Variants in ZDHHC19 observed in about 807,000 individuals in gnomAD.
ZDHHC19 encodes palmitoyltransferase ZDHHC19.
ZDHHC19 carries 30 observed loss-of-function variants against 33.9 expected under a neutral mutation model. The observed-to-expected ratio is 0.88, with a 90% CI of 0.66 to 1.20. The LOEUF is 1.20. ZDHHC19 is among the 50% of genes most tolerant of loss of function. The pLI is 0.00. For synonymous variants in ZDHHC19, 178 were observed against 167.6 expected (o/e 1.06, Z -0.48); for missense variants, 364 against 401.1 (o/e 0.91, Z 0.79).
intron 3 of ZDHHC19, chr3:196,209,154 C>T (rs560736349): frequency 4.9e-6 from 3 of 606,958 alleles, no homozygotes; most frequent in Non-Finnish European, 8.4e-6. Context: ...ATGCGGATGC[C>T]CTGTGCATGT....
intron 2 of ZDHHC19, among the ~76,000 whole-genome samples, chr3:196,209,782 T>C (rs1389147773): frequency 6.6e-6 from 1 of 152,192 alleles, no homozygotes; most frequent in Non-Finnish European, 1.5e-5. Context: ...AGGGAGGAAG[T>C]GCATACAGTG....
chr3:196,198,498 C>G, intron 6 of ZDHHC19, 47 bp from the exon 7 acceptor site: 1 of 1,596,562 alleles, frequency 6.3e-7, no homozygotes, highest in Non-Finnish European at 8.5e-7. Context: ...CTCCCTGGTC[C>G]GGCTCCCCTG....
chr3:196,200,359 AT>A (rs527886339), intron 5 of ZDHHC19, among the ~76,000 whole-genome samples: 27 of 123,994 alleles, frequency 2.2e-4, no homozygotes, highest in South Asian at 2.0e-3. Flanking sequence ...TATATATATA[AT>A]TTTTTTTTTT....
chr3:196,209,465 C>T lies in ZDHHC19; in HGVS notation c.319G>A (p.Gly107Arg), dbSNP rs199982640. 8.1e-6 allele frequency: 13 copies of T among 1,612,278 alleles called. No individual in the cohort carries two copies. The highest frequency in any genetic ancestry group is 1.1e-5 in the South Asian group (1 of 90,672). The stretch of plus-strand genomic sequence containing the variant: ...GGACACCATTGCAGGCGGAAGGCCC[C>T]GTGGTTCACCCACACCACGTGCACC... Reference protein sequence around the residue: ...LTVHVVWVNHGAFRLQWCPKC... With the variant: ...LTVHVVWVNHRAFRLQWCPKC... The change falls in exon 3 of 8, where the codon GGG (glycine) becomes AGG (arginine). Residue 107 changes from glycine (G) to arginine (R), a missense_variant. Coordinates refer to ENST00000296326, the MANE Select transcript of ZDHHC19 (RefSeq NM_001039617.2).
rs960470481 is a variant in ZDHHC19, at chr3:196,210,480, C to T, written c.268+136G>A. 4.1e-6 allele frequency: 4 copies of T among 976,594 alleles called. No individual in the cohort carries two copies. In the Admixed American group the frequency reaches 7.8e-5, roughly 19 times the overall value. 60.5% of individuals were successfully genotyped at this position (976,594 alleles called of 1,614,324 possible). A position where few individuals can be genotyped will look rare whatever the true frequency, so the allele number is the denominator to read the frequency against. ...GAAGAGAAGAAAGAGTGAGCGAGGG[C>T]CAGAGCAATGAAGACGTGGGGTGAA... On this transcript the variant is annotated intron_variant, in intron 2 of 7. Coordinates refer to ENST00000296326, the MANE Select transcript of ZDHHC19 (RefSeq NM_001039617.2).
At chr3:196,208,675 C>T in intron 3 of ZDHHC19, 115 bp from the exon 4 acceptor site, 1 of 1,184,030 alleles carries the variant, frequency 8.4e-7, no homozygotes, top group Non-Finnish European at 1.2e-6. Flanking sequence ...TTGGCCCATG[C>T]ACTGGCTTCC....
At chr3:196,204,624 A>C (rs1308163545) in intron 5 of ZDHHC19, among the ~76,000 whole-genome samples, 1 of 152,236 alleles carries the variant, frequency 6.6e-6, no homozygotes, top group African/African-American at 2.4e-5. Context: ...ACCATTAGTC[A>C]TTAGGAAAAT....
chr3:196,198,210 C>T (rs1721946659), intron 7 of ZDHHC19, 66 bp downstream of exon 7: 3 of 1,376,310 alleles, frequency 2.2e-6, no homozygotes, highest in East Asian at 2.7e-5. Flanking sequence ...CCCCCCACAC[C>T]CTCACAACCT....
At chr3:196,206,121 G>A (rs922653779) in intron 5 of ZDHHC19, among the ~76,000 whole-genome samples, 11 of 150,918 alleles carry the variant, frequency 7.3e-5, no homozygotes, top group South Asian at 2.1e-4. Flanking sequence ...ACACAATCTC[G>A]GCTCACTGCA....
intron 5 of ZDHHC19, among the ~76,000 whole-genome samples, chr3:196,200,611 C>T (rs1577315789): frequency 6.7e-6 from 1 of 150,134 alleles, no homozygotes; most frequent in East Asian, 2.0e-4. Flanking sequence ...ACCTTGGCCT[C>T]CCAAAGTGCT....
At chr3:196,200,577 A>T (rs972274431) in intron 5 of ZDHHC19, among the ~76,000 whole-genome samples, 3 of 149,290 alleles carry the variant, frequency 2.0e-5, no homozygotes, top group Non-Finnish European at 3.0e-5. Context: ...GATGGTCTCG[A>T]TCTCCTGACC....
At chr3:196,200,342 ATGT>A (rs781622576) in intron 5 of ZDHHC19, among the ~76,000 whole-genome samples, 29,821 of 133,916 alleles carry the variant, frequency 0.22, 3,491 homozygotes, top group Middle Eastern at 0.29. Flanking sequence ...ATATATATAT[ATGT>A]ATATATATAT....
intron 5 of ZDHHC19, among the ~76,000 whole-genome samples, chr3:196,204,003 G>A (rs756799428): frequency 3.3e-5 from 5 of 152,132 alleles, no homozygotes; most frequent in Admixed American, 6.6e-5. Context: ...CTCATGGCGC[G>A]GATGTCCACC....
intron 5 of ZDHHC19, among the ~76,000 whole-genome samples, chr3:196,205,164 C>T (rs1722639094): frequency 6.6e-6 from 1 of 152,108 alleles, no homozygotes; most frequent in Non-Finnish European, 1.5e-5. Context: ...GTATTTACCC[C>T]AAAGAAATGA....
At chr3:196,198,133 T>A in intron 7 of ZDHHC19, 143 bp downstream of exon 7, 1 of 782,738 alleles carries the variant, frequency 1.3e-6, no homozygotes, top group Non-Finnish European at 1.8e-6. Context: ...GCCCCTCCAG[T>A]GTAGAACCCT....
rs1722538928 is a variant in ZDHHC19, at chr3:196,203,813, G to A, written c.687+3585C>T. 6.6e-6 allele frequency among the ~76,000 whole-genome samples: 1 copy of A among 152,208 alleles called. No individual in the cohort carries two copies. The highest frequency in any genetic ancestry group is 6.5e-5 in the Admixed American group (1 of 15,280). ...GGCTGATGAGGAAGGGCGGAGCTGG[G>A]GAGTCACAGGTGGGGGAGCCAAATA... On this transcript the variant is annotated intron_variant, in intron 5 of 7. Coordinates refer to ENST00000296326, the MANE Select transcript of ZDHHC19 (RefSeq NM_001039617.2). This position sits in a 1 kb window ranked among gnomAD's most constrained non-coding sequence, Gnocchi z 4.3.
chr3:196,207,597 G>A, intron 4 of ZDHHC19, 94 bp from the exon 5 acceptor site: 1 of 393,638 alleles, frequency 2.5e-6, no homozygotes, highest in Non-Finnish European at 3.6e-6. Flanking sequence ...GCCCCCGGAC[G>A]CCCGCCCCTC....
At chr3:196,209,967 T>G (rs1054958494) in intron 2 of ZDHHC19, among the ~76,000 whole-genome samples, 5 of 152,104 alleles carry the variant, frequency 3.3e-5, no homozygotes, top group Non-Finnish European at 5.9e-5. Flanking sequence ...CGAGGTGGGC[T>G]GATCATGAGG....
At position 196,198,368 on chromosome 3, in the gene ZDHHC19, G is replaced by A; in HGVS notation, c.857C>T (p.Pro286Leu). Residue 286 changes from proline (P) to leucine (L), a missense_variant, in exon 7 of 8, where the codon CCC becomes CTC. Coordinates refer to ENST00000296326, the MANE Select transcript of ZDHHC19 (RefSeq NM_001039617.2). Reference protein sequence around the residue: ...SMPNLHPPMSPSALNPPAPTS... With the variant: ...SMPNLHPPMSLSALNPPAPTS... The stretch of plus-strand genomic sequence containing the variant: ...TGGGGCTGGGGGGTTGAGAGCAGAG[G>A]GGGACATTGGAGGGTGCAGATTCGG... 1.3e-6 allele frequency: 2 copies of A among 1,530,666 alleles called. No homozygotes were observed. The highest frequency in any genetic ancestry group is 8.8e-7 in the Non-Finnish European group (1 of 1,138,726). 94.8% of individuals were successfully genotyped at this position (1,530,666 alleles called of 1,614,324 possible).
Sources: gnomAD v4.1 joint callset for allele counts (sites outside exome capture counted in the v4.1 genomes callset) on GRCh38, gnomAD v4.1.1 for gene constraint, Gnocchi (gnomAD v3.1) non-coding constraint, MANE v1.5 for transcripts, NCBI Gene and HGNC (gene_info 2026-07-23, HGNC 2026-07-21) for gene names.